The following ELP3 variants were observed in gnomAD, a reference collection of about 807,000 sequenced individuals.
ELP3 encodes the protein elongator complex protein 3.
In ELP3, 56 loss-of-function variants were observed where a neutral mutation model predicts 74.9. The ratio of observed to expected loss-of-function variants is 0.75; its 90% CI spans 0.60 to 0.93. ELP3 has a LOEUF of 0.93. Ranked by LOEUF, ELP3 falls within the 40% of genes least tolerant of loss-of-function variation. The pLI is 0.00. For missense variants in ELP3, 573 were observed against 686.5 expected, an observed-to-expected ratio of 0.83 and a Z score of 1.85; for synonymous variants, 222 against 239.8, an observed-to-expected ratio of 0.93 and a Z score of 0.68.
chr8:28,174,868 T>A (rs2130590404), intron 14 of ELP3, among the ~76,000 whole-genome samples: 1 of 152,320 alleles, frequency 6.6e-6, no homozygotes, highest in African/African-American at 2.4e-5. Flanking sequence ...TCTGGAAATG[T>A]CCTAATTTCT....
intron 7 of ELP3, among the ~76,000 whole-genome samples, chr8:28,127,913 T>C (rs1414098892): frequency 6.6e-6 from 1 of 152,232 alleles, no homozygotes. Flanking sequence ...GTTCTCTAGA[T>C]TGGTGATTCT....
intron 5 of ELP3, among the ~76,000 whole-genome samples, chr8:28,109,041 G>C: frequency 6.6e-6 from 1 of 152,122 alleles, no homozygotes; most frequent in South Asian, 2.1e-4. Context: ...TGCAGTGCAG[G>C]GGGTGAGGGA....
intron 7 of ELP3, among the ~76,000 whole-genome samples, chr8:28,128,290 A>G (rs779477920): frequency 1.3e-5 from 2 of 152,136 alleles, no homozygotes; most frequent in Non-Finnish European, 2.9e-5. Context: ...CCTGGCCAAC[A>G]AAGTGAAACC....
intron 14 of ELP3, among the ~76,000 whole-genome samples, chr8:28,166,986 A>T (rs138416014): frequency 6.6e-6 from 1 of 152,146 alleles, no homozygotes; most frequent in African/African-American, 2.4e-5. Context: ...TAATATGGCC[A>T]TTGGCCAAGA....
chr8:28,110,239 A>G, intron 5 of ELP3, 131 bp from the exon 6 acceptor site: 1 of 783,730 alleles, frequency 1.3e-6, no homozygotes, highest in Non-Finnish European at 2.1e-6. Flanking sequence ...AAGACTGAGA[A>G]AAATTAATGC....
At position 28,098,588 on chromosome 8, in the gene ELP3, T is replaced by C. The variant is rs118101110; in HGVS notation, c.120-1240T>C. On this transcript the variant is annotated intron_variant, in intron 2 of 14. Coordinates refer to ENST00000256398, the MANE Select transcript of ELP3 (RefSeq NM_018091.6). ...CTCTTTAATTTAGCACATCTAAAGC[T>C]AAAGCTGCCATCGTCCTTAAAACTC... 6.4e-3 allele frequency among the ~76,000 whole-genome samples: 969 copies of C among 152,336 alleles called. 50 individuals carry two copies. The East Asian group carries it at 0.13, about 20-fold the overall frequency.
intron 10 of ELP3, among the ~76,000 whole-genome samples, chr8:28,141,297 G>C (rs1478699024): frequency 6.6e-6 from 1 of 152,198 alleles, no homozygotes; most frequent in African/African-American, 2.4e-5. Context: ...TACTCAGCCA[G>C]AACTTCACGA....
intron 7 of ELP3, among the ~76,000 whole-genome samples, chr8:28,117,013 A>G (rs1244813862): frequency 1.3e-5 from 2 of 152,132 alleles, no homozygotes; most frequent in South Asian, 2.1e-4. Flanking sequence ...AGGGACATCT[A>G]TGAAGATAAG....
intron 4 of ELP3, among the ~76,000 whole-genome samples, chr8:28,107,354 A>G (rs1283427016): frequency 6.6e-6 from 1 of 152,250 alleles, no homozygotes; most frequent in Non-Finnish European, 1.5e-5. Flanking sequence ...TGGGATATGC[A>G]ACTCAAAACA....
chr8:28,100,394 G>A (rs927226371), intron 3 of ELP3, among the ~76,000 whole-genome samples: 1 of 152,230 alleles, frequency 6.6e-6, no homozygotes, highest in Non-Finnish European at 1.5e-5. Context: ...AAAGGGGCTG[G>A]GGAAGGCCCA....
At chr8:28,095,259 T>C (rs929032984) in intron 1 of ELP3, among the ~76,000 whole-genome samples, 1 of 152,266 alleles carries the variant, frequency 6.6e-6, no homozygotes, top group Admixed American at 6.5e-5. Flanking sequence ...TTCCAGTTCT[T>C]GATACACTCA....
intron 13 of ELP3, among the ~76,000 whole-genome samples, chr8:28,160,777 C>G (rs970240084): frequency 8.4e-6 from 1 of 118,700 alleles, no homozygotes; most frequent in African/African-American, 3.7e-5. Flanking sequence ...TCACTGCAAC[C>G]TCCGCCTCCC....
At chr8:28,180,449 C>A (rs544893785) in intron 14 of ELP3, among the ~76,000 whole-genome samples, 2 of 152,276 alleles carry the variant, frequency 1.3e-5, no homozygotes, top group South Asian at 2.1e-4. Flanking sequence ...TTTCTGGTAT[C>A]TTTTTCCATT....
intron 14 of ELP3, among the ~76,000 whole-genome samples, chr8:28,185,950 T>C (rs1327937010): frequency 1.3e-5 from 2 of 152,220 alleles, no homozygotes; most frequent in African/African-American, 4.8e-5. Context: ...GTTTTTCTCT[T>C]CCTGTCCTCA....
At chr8:28,125,759 C>CTTTTTTTTTTT (rs755484214) in intron 7 of ELP3, among the ~76,000 whole-genome samples, 317 of 92,096 alleles carry the variant, frequency 3.4e-3, no homozygotes, top group East Asian at 4.4e-3. Flanking sequence ...AGTCATTTCT[C>CTTTTTTTTTTT]TTTTTTTTTT....
upstream of ELP3, chr8:28,090,252 C>T: frequency 3.0e-6 from 1 of 338,848 alleles, no homozygotes; most frequent in Non-Finnish European, 5.8e-6. Context: ...GAGACCTATC[C>T]TCATCTGTGC....
intron 3 of ELP3, among the ~76,000 whole-genome samples, chr8:28,103,624 T>C (rs1222649379): frequency 6.6e-6 from 1 of 152,246 alleles, no homozygotes; most frequent in Non-Finnish European, 1.5e-5. Flanking sequence ...AACTGCAAAC[T>C]CTTCCAGCAT....
chr8:28,155,055 T>C (rs1316725297), intron 10 of ELP3, among the ~76,000 whole-genome samples: 1 of 152,152 alleles, frequency 6.6e-6, no homozygotes, highest in Non-Finnish European at 1.5e-5. Flanking sequence ...ATTTAACATT[T>C]GAAGGGATAA....
intron 9 of ELP3, among the ~76,000 whole-genome samples, chr8:28,133,159 T>C (rs1391095746): frequency 2.0e-5 from 3 of 152,168 alleles, no homozygotes; most frequent in African/African-American, 7.2e-5. Flanking sequence ...TCAATAAAAG[T>C]GCCATTTTAA....
Sources: gnomAD v4.1 joint callset for allele counts (sites outside exome capture counted in the v4.1 genomes callset) on GRCh38, gnomAD v4.1.1 for gene constraint, MANE v1.5 for transcripts, NCBI Gene and HGNC (gene_info 2026-07-23, HGNC 2026-07-21) for gene names.